TYW1: variants seen among roughly 807,000 people sequenced by gnomAD.
TYW1 encodes the protein S-adenosyl-L-methionine-dependent tRNA 4-demethylwyosine synthase TYW1.
Under a neutral mutation model 96.2 loss-of-function variants are expected in TYW1, and 46 were observed. The observed-to-expected ratio is 0.48, with a 90% CI of 0.38 to 0.61. The LOEUF (loss-of-function observed/expected upper bound fraction) is 0.61, where lower values mean the gene tolerates loss of function less well. TYW1 is among the 20% of genes least tolerant of loss of function. The pLI is 0.00. For missense variants in TYW1, 684 were observed against 909.6 expected, an observed-to-expected ratio of 0.75 and a Z score of 3.19; for synonymous variants, 274 against 323.0, an observed-to-expected ratio of 0.85 and a Z score of 1.63.
chr7:67,107,224 T>C (rs1327515475), intron 12 of TYW1, among the ~76,000 whole-genome samples: 3 of 152,250 alleles, frequency 2.0e-5, no homozygotes, highest in African/African-American at 7.2e-5. Flanking sequence ...CCTGATTCTT[T>C]TAATAGAAGT....
At chr7:67,029,414 T>TATATATATATATATATATATATATAC (rs1562973615) in intron 7 of TYW1, among the ~76,000 whole-genome samples, 8 of 138,374 alleles carry the variant, frequency 5.8e-5, no homozygotes, top group South Asian at 2.3e-4. Flanking sequence ...TGTGTGTGTG[T>TATATATATATATATATATATATATAC]GTATATATAT....
At chr7:67,053,482 C>T (rs868705349) in intron 8 of TYW1, among the ~76,000 whole-genome samples, 12 of 151,044 alleles carry the variant, frequency 7.9e-5, no homozygotes, top group South Asian at 2.1e-4. Context: ...TGAGTTCAAG[C>T]GATTCTCCTG....
intron 9 of TYW1, among the ~76,000 whole-genome samples, chr7:67,061,811 A>T (rs2115635155): frequency 6.6e-6 from 1 of 152,348 alleles, no homozygotes; most frequent in Non-Finnish European, 1.5e-5. Context: ...AGTATGCTTT[A>T]CCAAATTGTT....
chr7:67,197,296 C>T (rs1233379140), intron 15 of TYW1, among the ~76,000 whole-genome samples: 2 of 151,208 alleles, frequency 1.3e-5, no homozygotes, highest in African/African-American at 4.8e-5. Flanking sequence ...CACAGCATCC[C>T]TACAAGGTAG....
intron 13 of TYW1, among the ~76,000 whole-genome samples, chr7:67,128,446 A>G (rs1026153860): frequency 6.6e-6 from 1 of 152,022 alleles, no homozygotes; most frequent in Non-Finnish European, 1.5e-5. Flanking sequence ...TGTGTACTTT[A>G]TCCACTGGAG....
At chr7:67,085,286 T>G (rs1221624257) in intron 11 of TYW1, among the ~76,000 whole-genome samples, 1 of 152,180 alleles carries the variant, frequency 6.6e-6, no homozygotes, top group Non-Finnish European at 1.5e-5. Flanking sequence ...ATAATCCCTA[T>G]GCGTTGAGAG....
At chr7:67,051,725 TTTTTTTG>T (rs1362415043) in intron 8 of TYW1, among the ~76,000 whole-genome samples, 1 of 132,744 alleles carries the variant, frequency 7.5e-6, no homozygotes, top group Non-Finnish European at 1.6e-5. Flanking sequence ...ACTGTTTTTG[TTTTTTTG>T]TTTTTTTTTT....
intron 10 of TYW1, among the ~76,000 whole-genome samples, chr7:67,080,940 G>GTTTTTTTTTTTTTTTTT (rs71049495): frequency 2.4e-4 from 9 of 37,252 alleles, no homozygotes; most frequent in Non-Finnish European, 3.4e-4. Flanking sequence ...CTTTCTTACT[G>GTTTTTTTTTTTTTTTTT]TTTTTTTTTT....
At chr7:67,096,258 T>C (rs1796909481) in intron 11 of TYW1, among the ~76,000 whole-genome samples, 1 of 151,890 alleles carries the variant, frequency 6.6e-6, no homozygotes, top group African/African-American at 2.4e-5. Flanking sequence ...GGCATGGTGG[T>C]GGGCACCTGT....
intron 13 of TYW1, among the ~76,000 whole-genome samples, chr7:67,126,185 A>G: frequency 6.7e-6 from 1 of 150,046 alleles, no homozygotes; most frequent in East Asian, 1.9e-4. Flanking sequence ...CCCATGAGCA[A>G]TGGATGAGAG....
intron 7 of TYW1, among the ~76,000 whole-genome samples, chr7:67,041,925 G>A (rs967019548): frequency 4.0e-5 from 6 of 150,652 alleles, no homozygotes; most frequent in African/African-American, 1.5e-4. Flanking sequence ...AGTTAATCCA[G>A]CCGCATTGTA....
chr7:67,038,144 A>T (rs1028045374), intron 7 of TYW1, among the ~76,000 whole-genome samples: 1 of 151,922 alleles, frequency 6.6e-6, no homozygotes, highest in Admixed American at 6.6e-5. Flanking sequence ...CTACTAAAAA[A>T]ATATAAAAAT....
At chr7:67,153,958 C>T (rs556501580) in intron 13 of TYW1, among the ~76,000 whole-genome samples, 14 of 137,370 alleles carry the variant, frequency 1.0e-4, no homozygotes, top group South Asian at 2.2e-4. Context: ...GACGGAGTCT[C>T]GCTCTGTCAC....
intron 15 of TYW1, among the ~76,000 whole-genome samples, chr7:67,220,285 G>C (rs888288655): frequency 1.4e-5 from 2 of 139,132 alleles, no homozygotes; most frequent in Non-Finnish European, 1.5e-5. Context: ...CTCACTGCAA[G>C]CTCCGCCTCC....
chr7:67,020,622 C>T (rs750135049), intron 6 of TYW1, among the ~76,000 whole-genome samples: 38 of 152,400 alleles, frequency 2.5e-4, no homozygotes, highest in Admixed American at 1.1e-3. Flanking sequence ...ATAAAAACTT[C>T]GTTGCTTAGT....
Position 67,195,185 on chromosome 7 carries a change from G to T in TYW1, c.1825G>T (p.Gly609Ter). The part of the protein sequence containing the change: ...FIEVKGVTYC[G>*]ESSASSLTMA... ...GTTTCCACAGGGCGTTACCTACTGC[G>T]GAGAAAGTTCAGCAAGCAGTCTTAC... is the stretch of plus-strand genomic sequence containing the variant. Residue 609 changes from glycine (G) to a stop codon, truncating the protein, a stop_gained, in exon 15 of 16, where the codon GGA becomes TGA. Coordinates refer to ENST00000359626, the MANE Select transcript of TYW1 (RefSeq NM_018264.4). LOFTEE classifies it high-confidence loss of function. 2 of 1,613,930 alleles carry T rather than the reference G, an allele frequency of 1.2e-6. No homozygotes were observed. The highest frequency in any genetic ancestry group is 8.5e-7 in the Non-Finnish European group (1 of 1,179,960).
At chr7:67,206,919 C>T (rs1308487955) in intron 15 of TYW1, among the ~76,000 whole-genome samples, 1 of 152,116 alleles carries the variant, frequency 6.6e-6, no homozygotes, top group East Asian at 1.9e-4. Flanking sequence ...TTTGTAATGG[C>T]CTTCACAATC....
intron 10 of TYW1, among the ~76,000 whole-genome samples, chr7:67,073,044 A>G (rs1280446361): frequency 6.9e-6 from 1 of 145,242 alleles, no homozygotes; most frequent in Non-Finnish European, 1.5e-5. Context: ...TTAGCCTCCC[A>G]AAGTGCTGAG....
intron 13 of TYW1, among the ~76,000 whole-genome samples, chr7:67,145,729 A>T (rs2036114790): frequency 6.6e-6 from 1 of 151,564 alleles, no homozygotes; most frequent in African/African-American, 2.4e-5. Context: ...AATTTATAGT[A>T]TTTAGCTTAT....
Sources: gnomAD v4.1 joint callset for allele counts (sites outside exome capture counted in the v4.1 genomes callset) on GRCh38, gnomAD v4.1.1 for gene constraint, MANE v1.5 for transcripts, NCBI Gene and HGNC (gene_info 2026-07-23, HGNC 2026-07-21) for gene names.